Variants in SLC2A9 observed in about 807,000 individuals in gnomAD.
SLC2A9 encodes the protein solute carrier family 2, facilitated glucose transporter member 9.
In SLC2A9, 39 loss-of-function variants were observed where a neutral mutation model predicts 50.6. The ratio of observed to expected loss-of-function variants is 0.77; its 90% confidence interval spans 0.60 to 1.01. SLC2A9 has a LOEUF of 1.01. Among genes scored for constraint, SLC2A9 ranks in the 50% least tolerant of loss-of-function variants. The pLI is 0.00. For missense variants in SLC2A9, 686 were observed against 677.6 expected, an observed-to-expected ratio of 1.01 and a Z score of -0.14; for synonymous variants, 324 against 276.9, an observed-to-expected ratio of 1.17 and a Z score of -1.69.
intron 10 of SLC2A9, among the ~76,000 whole-genome samples, chr4:9,836,464 G>A (rs1235593009): frequency 6.6e-6 from 1 of 152,158 alleles, no homozygotes; most frequent in African/African-American, 2.4e-5. Context: ...AGACGGGAAG[G>A]TGGCTCCTGA....
downstream of SLC2A9, among the ~76,000 whole-genome samples, chr4:9,821,700 ATTTTCTTGTACTG>A (rs1057378944): frequency 1.6e-3 from 247 of 152,190 alleles, no homozygotes; most frequent in African/African-American, 5.9e-3. Context: ...CTGCAGTTTT[ATTTTCTTGTACTG>A]TTTTCTTGTA....
intron 7 of SLC2A9, among the ~76,000 whole-genome samples, chr4:9,916,432 A>C (rs755914670): frequency 3.9e-5 from 6 of 152,232 alleles, no homozygotes; most frequent in Non-Finnish European, 7.3e-5. Context: ...TTTCCCAACC[A>C]AGACTGCATA....
At chr4:9,833,838 G>A (rs575717050) in intron 11 of SLC2A9, among the ~76,000 whole-genome samples, 2 of 152,308 alleles carry the variant, frequency 1.3e-5, no homozygotes, top group South Asian at 2.1e-4. Context: ...ACCTCCTCCA[G>A]GTGGTACCAC....
At chr4:9,865,008 A>G (rs1012064117) in intron 10 of SLC2A9, among the ~76,000 whole-genome samples, 2 of 152,210 alleles carry the variant, frequency 1.3e-5, no homozygotes, top group Non-Finnish European at 2.9e-5. Flanking sequence ...TGAGTACCCC[A>G]CTTTTTGACT....
intron 8 of SLC2A9, among the ~76,000 whole-genome samples, chr4:9,894,790 T>C (rs1217086032): frequency 6.6e-6 from 1 of 152,146 alleles, no homozygotes; most frequent in Non-Finnish European, 1.5e-5. Context: ...TGGATTAGAG[T>C]ATCCAGTGAC....
intron 3 of SLC2A9, among the ~76,000 whole-genome samples, chr4:9,793,612 G>A (rs981207583): frequency 7.2e-5 from 11 of 152,192 alleles, no homozygotes; most frequent in Non-Finnish European, 1.5e-4. Context: ...GAAGTGAAAG[G>A]AATGTTAATT....
At chr4:9,794,567 G>C (rs1720360185), downstream of SLC2A9, among the ~76,000 whole-genome samples, 1 of 152,378 alleles carries the variant, frequency 6.6e-6, no homozygotes, top group Non-Finnish European at 1.5e-5. Flanking sequence ...CAGCTAAGAA[G>C]TGACAAGGTG....
chr4:9,990,597 C>A (rs780764208), intron 3 of SLC2A9, among the ~76,000 whole-genome samples: 8 of 152,078 alleles, frequency 5.3e-5, no homozygotes, highest in Admixed American at 1.3e-4. Context: ...GATTTCTAAC[C>A]CTGCTTTCCC....
chr4:9,930,374 G>A (rs1745682550), intron 6 of SLC2A9, among the ~76,000 whole-genome samples: 1 of 152,228 alleles, frequency 6.6e-6, no homozygotes, highest in South Asian at 2.1e-4. Context: ...AGGAGGGAGA[G>A]CCAGAAAGTC....
At chr4:9,960,337 T>C (rs1752067130) in intron 5 of SLC2A9, among the ~76,000 whole-genome samples, 1 of 152,214 alleles carries the variant, frequency 6.6e-6, no homozygotes, top group South Asian at 2.1e-4. Flanking sequence ...TATCACCCTC[T>C]ATACAAGTAA....
chr4:9,887,810 C>A (rs947003743), intron 9 of SLC2A9, among the ~76,000 whole-genome samples, 168 bp from the exon 10 acceptor site: 1 of 152,144 alleles, frequency 6.6e-6, no homozygotes. Context: ...GATAACCCTT[C>A]GGTCACTCCA....
intron 10 of SLC2A9, among the ~76,000 whole-genome samples, chr4:9,885,559 C>T (rs1301700268): frequency 6.6e-6 from 1 of 152,210 alleles, no homozygotes; most frequent in Non-Finnish European, 1.5e-5. Context: ...TTACGCTGCT[C>T]ACAAAAGCAC....
intron 3 of SLC2A9, among the ~76,000 whole-genome samples, chr4:9,986,369 G>T (rs542442458): frequency 6.6e-6 from 1 of 152,286 alleles, no homozygotes; most frequent in African/African-American, 2.4e-5. Context: ...TTGGAAGCTG[G>T]AATCAACTGC....
chr4:9,922,045 C>T (rs1245614142), intron 6 of SLC2A9, among the ~76,000 whole-genome samples: 5 of 152,170 alleles, frequency 3.3e-5, no homozygotes, highest in Non-Finnish European at 4.4e-5. Flanking sequence ...TTCCTATCTT[C>T]CAGCTCCATC....
intron 5 of SLC2A9, among the ~76,000 whole-genome samples, chr4:9,976,135 A>G (rs1320446483): frequency 1.3e-5 from 2 of 152,172 alleles, no homozygotes; most frequent in Non-Finnish European, 2.9e-5. Flanking sequence ...AAAAGTTGAA[A>G]AACTATTGGG....
chr4:9,812,532 CCTTT>C (rs960933543), intron 3 of SLC2A9, among the ~76,000 whole-genome samples: 1 of 151,720 alleles, frequency 6.6e-6, no homozygotes, highest in Non-Finnish European at 1.5e-5. Flanking sequence ...AACTATAAGC[CCTTT>C]CTAACATACC....
chr4:9,905,254 C>A (rs1740444845), intron 8 of SLC2A9, among the ~76,000 whole-genome samples: 1 of 152,244 alleles, frequency 6.6e-6, no homozygotes, highest in African/African-American at 2.4e-5. Flanking sequence ...ATTCCTGCAC[C>A]TCTAGAACAG....
exon 2 of SLC2A9, chr4:9,771,216 A>T (rs1207094823): frequency 2.6e-5 from 9 of 347,592 alleles, no homozygotes; most frequent in Non-Finnish European, 3.6e-5. Flanking sequence ...GCTAAGCTGC[A>T]GTGAGTAATA....
At chr4:9,987,755 G>A (rs1229227880) in intron 3 of SLC2A9, among the ~76,000 whole-genome samples, 1 of 151,990 alleles carries the variant, frequency 6.6e-6, no homozygotes, top group African/African-American at 2.4e-5. Flanking sequence ...TTGAACCCAG[G>A]AGGCAGAGAT....
Sources: allele counts gnomAD v4.1 joint callset (sites outside exome capture counted in the v4.1 genomes callset), GRCh38; gene constraint gnomAD v4.1.1; transcripts MANE v1.5; gene names NCBI Gene and HGNC (gene_info 2026-07-23, HGNC 2026-07-21).